The following EPHX2 variants were observed in gnomAD, a reference collection of about 807,000 sequenced individuals.
EPHX2 encodes bifunctional epoxide hydrolase 2.
Under a neutral mutation model 78.7 loss-of-function variants are expected in EPHX2, and 74 were observed. That is an observed-to-expected ratio of 0.94 (90% CI 0.78 to 1.14). The LOEUF (loss-of-function observed/expected upper bound fraction) is 1.14, where lower values mean the gene tolerates loss of function less well. Ranked by LOEUF, EPHX2 falls within the 50% of genes most tolerant of loss-of-function variation. The pLI is 0.00. For missense variants in EPHX2, 715 were observed against 702.5 expected (o/e 1.02, Z -0.20); for synonymous variants, 251 against 255.2 (o/e 0.98, Z 0.16).
chr8:27,524,784 A>G (rs935857463), intron 11 of EPHX2, among the ~76,000 whole-genome samples: 2 of 152,054 alleles, frequency 1.3e-5, no homozygotes, highest in African/African-American at 2.4e-5. Context: ...TCCAACTCCT[A>G]TGCTATTTTG....
chr8:27,500,271 C>T (rs1327565560), intron 1 of EPHX2, among the ~76,000 whole-genome samples: 1 of 152,152 alleles, frequency 6.6e-6, no homozygotes, highest in African/African-American at 2.4e-5. Flanking sequence ...CTTCCTCCTG[C>T]TCCAACCATG....
intron 15 of EPHX2, 62 bp from the exon 16 acceptor site, chr8:27,541,411 G>T (rs1815396046): frequency 6.5e-7 from 1 of 1,543,834 alleles, no homozygotes; most frequent in Non-Finnish European, 9.0e-7. Flanking sequence ...GTTTCTGCTG[G>T]TGTCTGTAGC....
intron 9 of EPHX2, among the ~76,000 whole-genome samples, chr8:27,520,248 C>G (rs1814599499): frequency 6.6e-6 from 1 of 151,996 alleles, no homozygotes; most frequent in East Asian, 1.9e-4. Flanking sequence ...TCACTGCAAC[C>G]TCCGCCTCCT....
chr8:27,517,114 T>G (rs1177932822), intron 8 of EPHX2, among the ~76,000 whole-genome samples: 1 of 152,152 alleles, frequency 6.6e-6, no homozygotes, highest in African/African-American at 2.4e-5. Flanking sequence ...GAGACCCACT[T>G]TGCTGGATAC....
Position 27,522,477 on chromosome 8 carries a change from T to C in EPHX2, c.1027T>C (p.Tyr343His). ...GHDWGGMLVW[Y>H]MALFYPERVR... The stretch of plus-strand genomic sequence containing the variant: ...TGACTGGGGTGGCATGCTGGTGTGG[T>C]ACATGGCTCTCTTCTACCCCGAGAG... Residue 343 changes from tyrosine to histidine, a missense_variant, in exon 11 of 19, where the codon TAC becomes CAC. Tyr to His is a moderately conservative substitution (Grantham distance 83). Coordinates refer to ENST00000521400, the MANE Select transcript of EPHX2 (RefSeq NM_001979.6). The C allele has an allele frequency of 6.2e-7, 1 of 1,614,072 alleles. No homozygotes were observed.
chr8:27,522,992 C>T (rs566023457), intron 11 of EPHX2, among the ~76,000 whole-genome samples: 10 of 145,192 alleles, frequency 6.9e-5, no homozygotes, highest in Admixed American at 2.7e-4. Context: ...AAAAAAGGGC[C>T]TAATGAGCTA....
chr8:27,523,591 C>G (rs767802493), intron 11 of EPHX2, among the ~76,000 whole-genome samples: 2 of 152,212 alleles, frequency 1.3e-5, no homozygotes, highest in Non-Finnish European at 2.9e-5. Flanking sequence ...AAACTTTGTT[C>G]TGCTTCACTC....
intron 12 of EPHX2, 62 bp from the exon 13 acceptor site, chr8:27,536,722 G>A: frequency 6.3e-7 from 1 of 1,580,736 alleles, no homozygotes; most frequent in Non-Finnish European, 8.7e-7. Flanking sequence ...GTCAGATGAA[G>A]GAGGGGTACA....
At chr8:27,520,597 G>A (rs1468546544) in intron 9 of EPHX2, among the ~76,000 whole-genome samples, 2 of 151,824 alleles carry the variant, frequency 1.3e-5, no homozygotes, top group South Asian at 2.1e-4. Flanking sequence ...TGCCCGCCTC[G>A]GCCTCCCAAA....
intron 12 of EPHX2, among the ~76,000 whole-genome samples, chr8:27,531,295 G>C (rs1295831801): frequency 6.6e-6 from 1 of 152,226 alleles, no homozygotes; most frequent in Non-Finnish European, 1.5e-5. Flanking sequence ...GTTATGGACA[G>C]AAAGAGCTGG....
chr8:27,521,003 G>T, intron 10 of EPHX2, 94 bp downstream of exon 10: 1 of 1,518,350 alleles, frequency 6.6e-7, no homozygotes, highest in South Asian at 1.1e-5. Flanking sequence ...AGGTGCACGG[G>T]CAGGGAGGGC....
At chr8:27,495,678 C>T (rs773387858) in intron 1 of EPHX2, among the ~76,000 whole-genome samples, 2 of 152,216 alleles carry the variant, frequency 1.3e-5, no homozygotes, top group East Asian at 1.9e-4. Flanking sequence ...TGATAGCCTC[C>T]GATACTAAGA....
intron 8 of EPHX2, among the ~76,000 whole-genome samples, chr8:27,516,753 C>T (rs1309968790): frequency 1.3e-5 from 2 of 152,180 alleles, no homozygotes; most frequent in Admixed American, 6.5e-5. Context: ...CTCCCCAACC[C>T]CTGACAACTT....
intron 13 of EPHX2, among the ~76,000 whole-genome samples, chr8:27,538,412 A>G (rs576844598): frequency 6.6e-6 from 1 of 152,210 alleles, no homozygotes; most frequent in South Asian, 2.1e-4. Flanking sequence ...GCCCTGGGGC[A>G]GTCTCAGCCC....
chr8:27,494,021 T>A (rs905333112), intron 1 of EPHX2, among the ~76,000 whole-genome samples: 2 of 151,898 alleles, frequency 1.3e-5, no homozygotes, highest in Non-Finnish European at 2.9e-5. Context: ...CAGGGGTGAA[T>A]GGTCATGCAG....
chr8:27,540,975 A>T (rs1168203154), intron 15 of EPHX2, among the ~76,000 whole-genome samples: 1 of 152,200 alleles, frequency 6.6e-6, no homozygotes, highest in Non-Finnish European at 1.5e-5. Flanking sequence ...GAAAAACATA[A>T]AAATCCACAT....
intron 2 of EPHX2, among the ~76,000 whole-genome samples, chr8:27,502,514 A>G (rs1813838368): frequency 6.6e-6 from 1 of 152,232 alleles, no homozygotes; most frequent in Non-Finnish European, 1.5e-5. Flanking sequence ...GTGTGACTGA[A>G]ACAACAGACA....
chr8:27,531,905 G>A (rs907039086), intron 12 of EPHX2, among the ~76,000 whole-genome samples: 1 of 152,150 alleles, frequency 6.6e-6, no homozygotes, highest in Non-Finnish European at 1.5e-5. Flanking sequence ...CAATGTGGGG[G>A]CACCTCCCTG....
intron 10 of EPHX2, among the ~76,000 whole-genome samples, 192 bp downstream of exon 10, chr8:27,521,101 G>T (rs141664740): frequency 1.2e-3 from 184 of 152,314 alleles, no homozygotes; most frequent in African/African-American, 4.3e-3. Flanking sequence ...GTGGAGAACA[G>T]GATGGAGATG....
Sources: allele counts gnomAD v4.1 joint callset (sites outside exome capture counted in the v4.1 genomes callset), GRCh38; gene constraint gnomAD v4.1.1; transcripts MANE v1.5; gene names NCBI Gene and HGNC (gene_info 2026-07-23, HGNC 2026-07-21).